RPRD1B: variants seen among roughly 807,000 people sequenced by gnomAD.
RPRD1B encodes the protein regulation of nuclear pre-mRNA domain containing 1B, also known as regulation of nuclear pre-mRNA domain-containing protein 1B.
In RPRD1B, 11 loss-of-function variants were observed where a neutral mutation model predicts 41.5. The observed-to-expected ratio is 0.27, with a 90% confidence interval of 0.17 to 0.44. RPRD1B has a LOEUF of 0.44. Among genes scored for constraint, RPRD1B ranks in the 20% least tolerant of loss-of-function variants. The probability of loss-of-function intolerance (pLI) is 1.00; values close to 1 mark genes in which losing one functional copy is unlikely to be tolerated. For missense variants in RPRD1B, 248 were observed against 389.9 expected (o/e 0.64, Z 3.06); for synonymous variants, 158 against 155.6 (o/e 1.02, Z -0.12).
chr20:38,089,947 C>T lies in RPRD1B; in HGVS notation c.*72C>T. 1.3e-6 allele frequency: 2 copies of T among 1,565,262 alleles called. No individual in the cohort carries two copies. The highest frequency in any genetic ancestry group is 8.6e-7 in the Non-Finnish European group (1 of 1,157,234). On this transcript the variant is annotated 3_prime_UTR_variant, in exon 7 of 7. Coordinates refer to ENST00000373433, the MANE Select transcript of RPRD1B (RefSeq NM_021215.4). Reference sequence around the variant, plus strand: ...AGGGCAAGTCATGGTTGGAAATAACCTTCTAGCCCCTGGTTCTATCCCTTC... The same window carrying T: ...AGGGCAAGTCATGGTTGGAAATAACTTTCTAGCCCCTGGTTCTATCCCTTC...
intron 1 of RPRD1B, among the ~76,000 whole-genome samples, chr20:38,035,591 C>T (rs941281334): frequency 2.0e-5 from 3 of 152,144 alleles, no homozygotes; most frequent in African/African-American, 7.2e-5. Flanking sequence ...CTCAGCCCTT[C>T]GGGCAGTTCC....
chr20:38,038,388 C>A (rs567051765), intron 1 of RPRD1B, among the ~76,000 whole-genome samples: 67 of 151,040 alleles, frequency 4.4e-4, no homozygotes, highest in African/African-American at 1.5e-3. Context: ...CGGCTCACTG[C>A]AACCTCCGCC....
At chr20:38,062,142 T>G (rs6013789) in intron 5 of RPRD1B, among the ~76,000 whole-genome samples, 38 of 152,292 alleles carry the variant, frequency 2.5e-4, no homozygotes, top group African/African-American at 8.7e-4. Context: ...ATTGGTGATA[T>G]TCCAAGCCAC....
intron 1 of RPRD1B, among the ~76,000 whole-genome samples, chr20:38,036,214 AT>A (rs1233509458): frequency 6.6e-6 from 1 of 152,238 alleles, no homozygotes; most frequent in African/African-American, 2.4e-5. Flanking sequence ...GTAGGCTAGC[AT>A]TATTATCCTC....
At chr20:38,054,429 T>C (rs1240214915) in intron 3 of RPRD1B, among the ~76,000 whole-genome samples, 1 of 152,202 alleles carries the variant, frequency 6.6e-6, no homozygotes, top group African/African-American at 2.4e-5. Context: ...TGATTTCTTA[T>C]TTTAAGTCTT....
At chr20:38,083,557 A>C (rs1397965720) in intron 6 of RPRD1B, among the ~76,000 whole-genome samples, 1 of 152,158 alleles carries the variant, frequency 6.6e-6, no homozygotes, top group Non-Finnish European at 1.5e-5. Context: ...TTTTGTGTAG[A>C]GGAGCCTCTG....
chr20:38,035,765 TTTG>T (rs1568639917), intron 1 of RPRD1B, among the ~76,000 whole-genome samples: 1 of 136,788 alleles, frequency 7.3e-6, no homozygotes, highest in Non-Finnish European at 1.5e-5. Context: ...TGTCATTTTT[TTTG>T]TTTTTTTTTT....
chr20:38,050,005 C>G (rs1390881309), intron 3 of RPRD1B, among the ~76,000 whole-genome samples: 1 of 152,218 alleles, frequency 6.6e-6, no homozygotes, highest in Non-Finnish European at 1.5e-5. Context: ...CTACCGCTTT[C>G]ACTGTGTGAT....
Position 38,092,174 on chromosome 20 carries a change from A to G in RPRD1B, c.*2299A>G, listed in dbSNP as rs1193742037. 1 of 985,636 alleles carries G rather than the reference A, an allele frequency of 1.0e-6. No individual in the cohort carries two copies. Among genetic ancestry groups the G allele is most frequent in the African/African-American group, 1.7e-5 (1 of 57,200 alleles). 61.1% of individuals were successfully genotyped at this position (985,636 alleles called of 1,614,324 possible). ...CCTCAAAGGACCTTTCCTTTAGGTCATATTCCTCAGAAAGTCTTCAATCTT... is the reference window on the plus strand; with the variant it reads ...CCTCAAAGGACCTTTCCTTTAGGTCGTATTCCTCAGAAAGTCTTCAATCTT... On this transcript the variant is annotated 3_prime_UTR_variant, in exon 7 of 7. Transcript: ENST00000373433.
intron 3 of RPRD1B, among the ~76,000 whole-genome samples, chr20:38,055,171 C>T (rs531829826): frequency 7.2e-5 from 11 of 151,996 alleles, no homozygotes; most frequent in East Asian, 3.9e-4. Context: ...CAAATGTGTA[C>T]GGAAACAAAA....
At chr20:38,083,417 C>T (rs1234363456) in intron 6 of RPRD1B, among the ~76,000 whole-genome samples, 2 of 152,116 alleles carry the variant, frequency 1.3e-5, no homozygotes, top group Non-Finnish European at 2.9e-5. Context: ...ATTGTCCAGT[C>T]CTAAAGTGTA....
chr20:38,062,838 CTTT>C (rs1555801162), intron 5 of RPRD1B, among the ~76,000 whole-genome samples: 27 of 84,312 alleles, frequency 3.2e-4, no homozygotes, highest in African/African-American at 9.3e-4. Context: ...GCCCCCCCCC[CTTT>C]TTTTTTTTTT....
chr20:38,037,876 A>G (rs1453923981), intron 1 of RPRD1B, among the ~76,000 whole-genome samples: 1 of 151,836 alleles, frequency 6.6e-6, no homozygotes, highest in Admixed American at 6.6e-5. Flanking sequence ...TTTTCAACAT[A>G]AAGTGTATGG....
At chr20:38,045,142 C>T (rs115451514) in intron 2 of RPRD1B, among the ~76,000 whole-genome samples, 2,070 of 152,244 alleles carry the variant, frequency 0.014, 61 homozygotes, top group African/African-American at 0.047. Flanking sequence ...TGTTATTAAT[C>T]AGAATTAAAA....
Position 38,090,025 on chromosome 20 carries a change from T to C in RPRD1B, c.*150T>C, listed in dbSNP as rs2074599672. The C allele has an allele frequency of 7.0e-7, 1 of 1,435,704 alleles. No individual in the cohort carries two copies. Among genetic ancestry groups the C allele is most frequent in the East Asian group, 2.5e-5 (1 of 40,454 alleles). The allele number at this position is 1,435,704 out of a possible 1,614,324, so 88.9% of individuals were successfully genotyped here. A position where few individuals can be genotyped will look rare whatever the true frequency, so the allele number is the denominator to read the frequency against. ...AGAACCTCAGACTCTGATTCTCCTC[T>C]TCAGCCTCTCATCTTGAGCACAGTT... On this transcript the variant is annotated 3_prime_UTR_variant, in exon 7 of 7. Coordinates refer to ENST00000373433, the MANE Select transcript of RPRD1B (RefSeq NM_021215.4).
intron 3 of RPRD1B, among the ~76,000 whole-genome samples, chr20:38,052,253 T>C (rs1020534528): frequency 1.3e-5 from 2 of 152,256 alleles, no homozygotes; most frequent in Non-Finnish European, 1.5e-5. Flanking sequence ...TAGTATCTAA[T>C]GTGCTGAGTT....
At chr20:38,062,919 C>A (rs956613155) in intron 5 of RPRD1B, among the ~76,000 whole-genome samples, 3 of 142,052 alleles carry the variant, frequency 2.1e-5, no homozygotes, top group Non-Finnish European at 4.5e-5. Flanking sequence ...ATTGTAACCT[C>A]AAACTCCTGG....
intron 6 of RPRD1B, among the ~76,000 whole-genome samples, chr20:38,078,319 A>G (rs2074483596): frequency 6.6e-6 from 1 of 152,068 alleles, no homozygotes; most frequent in Non-Finnish European, 1.5e-5. Flanking sequence ...CAGGCTTTAC[A>G]TATGCTGTTC....
chr20:38,072,212 G>A (rs1202479942), intron 6 of RPRD1B, among the ~76,000 whole-genome samples: 1 of 152,090 alleles, frequency 6.6e-6, no homozygotes, highest in Non-Finnish European at 1.5e-5. Context: ...TGTAGGGGGG[G>A]ACCAACTTCA....
Sources: gnomAD v4.1 joint callset for allele counts (sites outside exome capture counted in the v4.1 genomes callset) on GRCh38, gnomAD v4.1.1 for gene constraint, MANE v1.5 for transcripts, NCBI Gene and HGNC (gene_info 2026-07-23, HGNC 2026-07-21) for gene names.